RIMS1: variants seen among roughly 807,000 people sequenced by gnomAD.
RIMS1 encodes regulating synaptic membrane exocytosis 1, also known as regulating synaptic membrane exocytosis protein 1.
In RIMS1, 83 loss-of-function variants were observed where a neutral mutation model predicts 214.1. The ratio of observed to expected loss-of-function variants is 0.39; its 90% CI spans 0.32 to 0.47. RIMS1 has a LOEUF of 0.47. Among genes scored for constraint, RIMS1 ranks in the 20% least tolerant of loss-of-function variants. The probability of loss-of-function intolerance (pLI) is 0.99; values close to 1 mark genes in which losing one functional copy is unlikely to be tolerated. For synonymous variants in RIMS1, 793 were observed against 786.8 expected (o/e 1.01, Z -0.13); for missense variants, 2,050 against 2,161.8 (o/e 0.95, Z 1.03).
chr6:71,944,759 G>A (rs991171110), intron 1 of RIMS1, among the ~76,000 whole-genome samples: 2 of 152,106 alleles, frequency 1.3e-5, no homozygotes, highest in Admixed American at 6.5e-5. Context: ...GTGAGATGTC[G>A]GCCGAAGAGT....
At chr6:72,372,217 T>C (rs2098241630) in intron 29 of RIMS1, among the ~76,000 whole-genome samples, 1 of 152,206 alleles carries the variant, frequency 6.6e-6, no homozygotes, top group Non-Finnish European at 1.5e-5. Flanking sequence ...GTCAATATTA[T>C]ATTGTGTGTG....
intron 4 of RIMS1, among the ~76,000 whole-genome samples, chr6:72,116,681 A>AT (rs1423612262): frequency 3.9e-5 from 6 of 152,034 alleles, no homozygotes; most frequent in African/African-American, 1.2e-4. Flanking sequence ...TTATGCCTCT[A>AT]TATAGCCATA....
At chr6:71,935,349 A>G (rs1224060173) in intron 1 of RIMS1, among the ~76,000 whole-genome samples, 4 of 152,214 alleles carry the variant, frequency 2.6e-5, no homozygotes, top group Admixed American at 2.6e-4. Context: ...GTATCAATTA[A>G]TAGTATGTCA....
intron 26 of RIMS1, among the ~76,000 whole-genome samples, chr6:72,299,743 G>T (rs2094441884): frequency 6.6e-6 from 1 of 151,746 alleles, no homozygotes; most frequent in South Asian, 2.1e-4. Context: ...TAAAAATTAA[G>T]CACATTTCAA....
At chr6:71,980,003 G>T (rs142921703) in intron 2 of RIMS1, among the ~76,000 whole-genome samples, 1 of 152,000 alleles carries the variant, frequency 6.6e-6, no homozygotes, top group African/African-American at 2.4e-5. Context: ...ATAAATATTG[G>T]CAATATTATT....
intron 2 of RIMS1, among the ~76,000 whole-genome samples, chr6:72,028,774 TACAG>T (rs1232904829): frequency 1.6e-4 from 25 of 152,194 alleles, no homozygotes; most frequent in African/African-American, 5.8e-4. Context: ...TTACCAAACA[TACAG>T]ACTCTTAAAA....
intron 2 of RIMS1, among the ~76,000 whole-genome samples, chr6:72,036,397 C>A (rs1038026571): frequency 3.9e-5 from 6 of 152,102 alleles, no homozygotes; most frequent in Non-Finnish European, 7.4e-5. Flanking sequence ...TATGTTTATT[C>A]ATGCATCCCT....
intron 12 of RIMS1, 42 bp downstream of exon 12, chr6:72,248,169 A>G (rs1238566390): frequency 1.6e-6 from 2 of 1,235,416 alleles, no homozygotes; most frequent in Admixed American, 3.5e-5. Flanking sequence ...TAGTATTTGC[A>G]TACACTGTCT....
chr6:72,021,195 T>C (rs904310937), intron 2 of RIMS1, among the ~76,000 whole-genome samples: 6 of 152,232 alleles, frequency 3.9e-5, no homozygotes, highest in African/African-American at 1.4e-4. Context: ...AGGCATTCTA[T>C]GTGAGACCAT....
chr6:72,050,537 T>C (rs1241502520), intron 2 of RIMS1, among the ~76,000 whole-genome samples: 1 of 152,158 alleles, frequency 6.6e-6, no homozygotes, highest in Non-Finnish European at 1.5e-5. Flanking sequence ...CCCAGACCTG[T>C]GGTGGAGGGT....
At chr6:71,992,630 CTCT>C (rs376449634) in intron 2 of RIMS1, among the ~76,000 whole-genome samples, 1 of 121,140 alleles carries the variant, frequency 8.3e-6, no homozygotes, top group African/African-American at 3.0e-5. Context: ...CTTCTTCTTC[CTCT>C]TCTTCCTCTT....
At chr6:72,160,981 T>C (rs1459432850) in intron 4 of RIMS1, among the ~76,000 whole-genome samples, 5 of 139,636 alleles carry the variant, frequency 3.6e-5, no homozygotes, top group African/African-American at 1.2e-4. Flanking sequence ...CTTGTATCTT[T>C]GGTAGAATTT....
intron 4 of RIMS1, among the ~76,000 whole-genome samples, chr6:72,147,154 A>G (rs1486262997): frequency 1.3e-5 from 2 of 152,236 alleles, no homozygotes; most frequent in African/African-American, 2.4e-5. Context: ...TTTATTTCTC[A>G]AAGATTAAAG....
rs529129627 is a variant in RIMS1, at chr6:72,159,240, G to A, written c.472-20335G>A. Among the ~76,000 whole-genome samples, 436 of 140,748 alleles carry A rather than the reference G, an allele frequency of 3.1e-3. 88 individuals carry two copies. Among genetic ancestry groups the A allele is most frequent in the Non-Finnish European group, 4.8e-3 (296 of 61,872 alleles). 92.3% of individuals were successfully genotyped at this position (140,748 alleles called of 152,430 possible). A position where few individuals can be genotyped will look rare whatever the true frequency, so the allele number is the denominator to read the frequency against. ...CATATCTTTCACCCACTTGTTGATG[G>A]GGTTGTTTGTTTTTTTCTTGTAAAT... On this transcript the variant is annotated intron_variant, in intron 4 of 33. Transcript: ENST00000521978.
Position 72,251,159 on chromosome 6 carries a change from T to C in RIMS1, c.2545-56T>C, listed in dbSNP as rs547570956. ...GTTTTGTGATATTTATTATGATTAC[T>C]ATTACATTATGTTTTGATAAAGGTA... On this transcript the variant is annotated intron_variant, in intron 14 of 33. Coordinates refer to ENST00000521978, the MANE Select transcript of RIMS1 (RefSeq NM_014989.7). 5 of 1,557,448 alleles carry C rather than the reference T, an allele frequency of 3.2e-6. No individual in the cohort carries two copies. In the African/African-American group the frequency reaches 4.1e-5, roughly 13 times the overall value.
chr6:71,906,704 C>G (rs573914158), intron 1 of RIMS1, among the ~76,000 whole-genome samples: 1 of 152,134 alleles, frequency 6.6e-6, no homozygotes, highest in East Asian at 1.9e-4. Flanking sequence ...CTGAGATCCA[C>G]CACTTTTACT....
chr6:72,150,470 G>T (rs901002040), intron 4 of RIMS1, among the ~76,000 whole-genome samples: 23 of 152,118 alleles, frequency 1.5e-4, no homozygotes, highest in African/African-American at 5.6e-4. Context: ...CTATTATCAG[G>T]ACATAAGATA....
chr6:71,915,355 A>G (rs1427392380), intron 1 of RIMS1, among the ~76,000 whole-genome samples: 2 of 152,168 alleles, frequency 1.3e-5, no homozygotes, highest in South Asian at 2.1e-4. Context: ...CTAGTGACAT[A>G]TGAGATAACC....
At chr6:72,144,225 T>G (rs937893206) in intron 4 of RIMS1, among the ~76,000 whole-genome samples, 1 of 152,204 alleles carries the variant, frequency 6.6e-6, no homozygotes, top group African/African-American at 2.4e-5. Context: ...CCATATTCAT[T>G]TTTACTCAAG....
Sources: gnomAD v4.1 joint callset for allele counts (sites outside exome capture counted in the v4.1 genomes callset) on GRCh38, gnomAD v4.1.1 for gene constraint, MANE v1.5 for transcripts, NCBI Gene and HGNC (gene_info 2026-07-23, HGNC 2026-07-21) for gene names.